Variants in CYFIP2 observed in about 807,000 individuals in gnomAD.
CYFIP2 encodes the protein cytoplasmic FMR1-interacting protein 2.
A neutral mutation model predicts 158.7 loss-of-function variants in CYFIP2; 29 were observed. The ratio of observed to expected loss-of-function variants is 0.18; its 90% CI spans 0.14 to 0.25. The LOEUF is 0.25. CYFIP2 is among the 10% of genes least tolerant of loss of function. The pLI is 1.00. For missense variants in CYFIP2, 852 were observed against 1,639.5 expected (o/e 0.52, Z 8.29); for synonymous variants, 585 against 617.6 (o/e 0.95, Z 0.78).
At chr5:157,320,383 G>A (rs537635121) in intron 14 of CYFIP2, among the ~76,000 whole-genome samples, 1 of 152,180 alleles carries the variant, frequency 6.6e-6, no homozygotes, top group Non-Finnish European at 1.5e-5. Flanking sequence ...CACAAGTTCT[G>A]TCTCACTCGA....
Position 157,389,338 on chromosome 5 carries a change from C to T in CYFIP2, c.3357C>T (p.His1119=), listed in dbSNP as rs1472327478. 4.3e-6 allele frequency: 7 copies of T among 1,613,872 alleles called. No homozygotes were observed. The highest frequency in any genetic ancestry group is 1.1e-5 in the South Asian group (1 of 91,086). Residue 1119 remains histidine (H), a synonymous_variant, in exon 29 of 31, where the codon CAC becomes CAT. Transcript: ENST00000620254. ...CACCGCCCACCAATGGCGTCATGCA[C>T]GTCGATGAGTGTGTGGAGTTCCACC... ...RGPPPTNGVM[H]VDECVEFHRL...
In CYFIP2 at chr5:157,298,386, C is replaced by T. The variant is rs185252848; in HGVS notation, c.387+1612C>T. On this transcript the variant is annotated intron_variant, in intron 5 of 30. Coordinates refer to ENST00000620254, the MANE Select transcript of CYFIP2 (RefSeq NM_001037333.3). The stretch of plus-strand genomic sequence containing the variant: ...TCTCTCTGTCGCTCAGGCTGGAGTG[C>T]GGTGACACTATCTCGGCTCACTGCA... Among the ~76,000 whole-genome samples, 374 of 152,182 alleles carry T rather than the reference C, an allele frequency of 2.5e-3. 2 individuals are homozygous for T. The highest frequency in any genetic ancestry group is 8.7e-3 in the African/African-American group (360 of 41,524).
In CYFIP2 at chr5:157,339,078, A is replaced by G. The variant is rs1258680778; in HGVS notation, c.2407A>G (p.Ile803Val). Residue 803 changes from isoleucine to valine, a missense_variant, in exon 22 of 31, where the codon ATT becomes GTT. Ile to Val is a conservative substitution (Grantham distance 29). Transcript: ENST00000620254. ...SIVELEWLLEINRLTHRLLCK... is the reference protein window; with the variant it reads ...SIVELEWLLEVNRLTHRLLCK... ...ACAGGAGCTGGAGTGGCTGCTGGAG[A>G]TTAACCGGCTCACGCATCGGCTGCT... 1 of 1,611,490 alleles carries G rather than the reference A, an allele frequency of 6.2e-7. No individual in the cohort carries two copies. Among genetic ancestry groups the G allele is most frequent in the African/African-American group, 1.3e-5 (1 of 74,860 alleles).
At position 157,361,265 on chromosome 5, in the gene CYFIP2, A is replaced by G. The variant is rs1763802349; in HGVS notation, c.2909-203A>G. 2 of 571,318 alleles carry G rather than the reference A, an allele frequency of 3.5e-6. No homozygotes were observed. Among genetic ancestry groups the G allele is most frequent in the Non-Finnish European group, 3.1e-6 (1 of 324,780 alleles). 35.4% of individuals were successfully genotyped at this position (571,318 alleles called of 1,614,324 possible). ...TGTGTGTGCGTGTGTGTGTTCTGAA[A>G]AAGACATGAGCCAGCTACTCGAACT... On this transcript the variant is annotated intron_variant, in intron 25 of 30. Transcript: ENST00000620254. The surrounding 1 kb of genome is among the most constrained non-coding windows in gnomAD (Gnocchi z 4.4).
Position 157,389,260 on chromosome 5 carries a change from G to A in CYFIP2, c.3279G>A (p.Glu1093=). The change falls in exon 29 of 31, where the codon GAG becomes GAA. Residue 1093 remains glutamate, a synonymous_variant. Coordinates refer to ENST00000620254, the MANE Select transcript of CYFIP2 (RefSeq NM_001037333.3). ...ERLCCGLSMF[E]VILTRIRSYL... ...TGTGCTGTGGCCTGTCCATGTTCGA[G>A]GTCATCCTGACCCGCATTCGGAGCT... is the stretch of plus-strand genomic sequence containing the variant. 1 of 1,614,044 alleles carries A rather than the reference G, an allele frequency of 6.2e-7. No homozygotes were observed.
In CYFIP2 at chr5:157,294,673, C is replaced by T. The variant is rs1758104863; in HGVS notation, c.208-110C>T. On this transcript the variant is annotated intron_variant, in intron 3 of 30. Transcript: ENST00000620254. ...TTCCAGTAAGGTCCCCAAGTGATGT[C>T]CATGCTGTGGGTCCATGGACCATAC... is the stretch of plus-strand genomic sequence containing the variant. 5 of 749,834 alleles carry T rather than the reference C, an allele frequency of 6.7e-6. No individual in the cohort carries two copies. In the Admixed American group the frequency reaches 1.2e-4, roughly 18 times the overall value. 46.4% of individuals were successfully genotyped at this position (749,834 alleles called of 1,614,324 possible).
chr5:157,349,308 A>G (rs1055646109), intron 23 of CYFIP2, among the ~76,000 whole-genome samples: 5 of 152,086 alleles, frequency 3.3e-5, no homozygotes, highest in African/African-American at 1.2e-4. Flanking sequence ...AATTCATTGT[A>G]TCATTCTTAA....
rs183288445 is a variant in CYFIP2 at position 157,381,509 on chromosome 5, C to T, written c.3040-1081C>T. Among the ~76,000 whole-genome samples, 29 of 107,080 alleles carry T rather than the reference C, an allele frequency of 2.7e-4. No individual in the cohort carries two copies. The East Asian group carries it at 7.9e-3, about 29-fold the overall frequency. 70.2% of individuals were successfully genotyped at this position (107,080 alleles called of 152,430 possible). On this transcript the variant is annotated intron_variant, in intron 26 of 30. Coordinates refer to ENST00000620254, the MANE Select transcript of CYFIP2 (RefSeq NM_001037333.3). Reference sequence around the variant, plus strand: ...TACCACTGCACTCCAGCCTGGGCAACAGAATGGGACTCCGTTTCACAAAAA... The same window carrying T: ...TACCACTGCACTCCAGCCTGGGCAATAGAATGGGACTCCGTTTCACAAAAA...
intron 1 of CYFIP2, among the ~76,000 whole-genome samples, chr5:157,268,432 C>G (rs1755798910): frequency 6.6e-6 from 1 of 152,156 alleles, no homozygotes; most frequent in Non-Finnish European, 1.5e-5. Flanking sequence ...ACTACATGAC[C>G]CCTCTGATAA....
chr5:157,268,050 A>G (rs959700712), intron 1 of CYFIP2, among the ~76,000 whole-genome samples: 1 of 152,274 alleles, frequency 6.6e-6, no homozygotes, highest in African/African-American at 2.4e-5. Flanking sequence ...TTGTGTACAC[A>G]GGGTTCCTCG....
chr5:157,376,576 G>C (rs1404597215), intron 26 of CYFIP2: 1 of 157,374 alleles, frequency 6.4e-6, no homozygotes, highest in Non-Finnish European at 1.4e-5. Flanking sequence ...TGACTTGAAA[G>C]GTGTCTTTTT....
intron 11 of CYFIP2, among the ~76,000 whole-genome samples, chr5:157,312,085 T>C (rs17054441): frequency 0.014 from 2,106 of 152,270 alleles, 57 homozygotes; most frequent in African/African-American, 0.048. Context: ...TGGCAGATAA[T>C]AAGGGCCTGG....
Position 157,320,781 on chromosome 5 carries a change from T to G in CYFIP2, c.1650T>G (p.Ala550=), listed in dbSNP as rs1760532085. Residue 550 remains alanine (A), a synonymous_variant, in exon 15 of 31, where the codon GCT becomes GCG. Coordinates refer to ENST00000620254, the MANE Select transcript of CYFIP2 (RefSeq NM_001037333.3). ...GGFDIKVPRR[A]VGPSSTQLYM... The stretch of plus-strand genomic sequence containing the variant: ...TTGATATCAAGGTGCCCCGGCGTGC[T>G]GTGGGGCCATCCAGCACACAGGTAA... 6.2e-7 allele frequency: 1 copy of G among 1,601,530 alleles called. No individual in the cohort carries two copies. Among genetic ancestry groups the G allele is most frequent in the African/African-American group, 1.3e-5 (1 of 74,622 alleles).
chr5:157,278,799 T>G (rs1220025648), intron 1 of CYFIP2, among the ~76,000 whole-genome samples: 3 of 152,200 alleles, frequency 2.0e-5, no homozygotes, highest in Non-Finnish European at 1.5e-5. Context: ...AAGACTAAGC[T>G]CCTGTACTAG....
intron 21 of CYFIP2, among the ~76,000 whole-genome samples, chr5:157,336,543 CACTG>C (rs1761870542): frequency 6.6e-6 from 1 of 152,238 alleles, no homozygotes; most frequent in South Asian, 2.1e-4. Context: ...TACGAGGCCT[CACTG>C]TACTGAGTTT....
chr5:157,310,509 G>A (rs1402778703), intron 10 of CYFIP2, among the ~76,000 whole-genome samples: 5 of 152,226 alleles, frequency 3.3e-5, no homozygotes, highest in South Asian at 2.1e-4. Flanking sequence ...AACTGCATCC[G>A]CCTGGAGCCT....
At chr5:157,306,061 A>G (rs1759194268) in intron 8 of CYFIP2, among the ~76,000 whole-genome samples, 1 of 152,094 alleles carries the variant, frequency 6.6e-6, no homozygotes, top group African/African-American at 2.4e-5. Flanking sequence ...GCCTTCTCCC[A>G]TTCTTTATAC....
intron 24 of CYFIP2, 110 bp from the exon 25 acceptor site, chr5:157,360,171 TC>T (rs1262648266): frequency 1.2e-5 from 10 of 823,284 alleles, no homozygotes; most frequent in Non-Finnish European, 1.7e-5. Flanking sequence ...AAGGGACTGT[TC>T]CCCGCCTTTA....
At chr5:157,389,487 T>G (rs1767049745) in intron 29 of CYFIP2, 60 bp downstream of exon 29, 1 of 1,433,436 alleles carries the variant, frequency 7.0e-7, no homozygotes, top group Non-Finnish European at 9.3e-7. Flanking sequence ...CTGCAAGTCA[T>G]GGGGCTGCCA....
Sources: allele counts gnomAD v4.1 joint callset (sites outside exome capture counted in the v4.1 genomes callset), GRCh38; gene constraint gnomAD v4.1.1; non-coding constraint Gnocchi (gnomAD v3.1); transcripts MANE v1.5; gene names NCBI Gene and HGNC (gene_info 2026-07-23, HGNC 2026-07-21).